The following RABGAP1 variants were observed in gnomAD, a reference collection of about 807,000 sequenced individuals.
RABGAP1 encodes the protein rab GTPase-activating protein 1.
A neutral mutation model predicts 137.6 loss-of-function variants in RABGAP1; 23 were observed. The ratio of observed to expected loss-of-function variants is 0.17; its 90% CI spans 0.12 to 0.24. RABGAP1 has a LOEUF of 0.24. Among genes scored for constraint, RABGAP1 ranks in the 10% least tolerant of loss-of-function variants. The pLI is 1.00. For synonymous variants in RABGAP1, 451 were observed against 450.7 expected (o/e 1.00, Z -0.01); for missense variants, 906 against 1,275.8 (o/e 0.71, Z 4.42).
At chr9:123,029,586 T>G in intron 13 of RABGAP1, 2 of 750,706 alleles carry the variant, frequency 2.7e-6, no homozygotes, top group Non-Finnish European at 5.0e-6. Context: ...TTACAGAGTT[T>G]GTCATATGTA....
At chr9:123,064,574 T>C (rs1245402277) in intron 13 of RABGAP1, among the ~76,000 whole-genome samples, 1 of 152,262 alleles carries the variant, frequency 6.6e-6, no homozygotes, top group African/African-American at 2.4e-5. Context: ...TTGTCTTAGC[T>C]ATGAAGACAC....
chr9:122,999,644 C>A (rs116594588), intron 10 of RABGAP1, among the ~76,000 whole-genome samples: 1 of 151,748 alleles, frequency 6.6e-6, no homozygotes, highest in Non-Finnish European at 1.5e-5. Flanking sequence ...GTTTTCTTTC[C>A]GTTTATCCTG....
intron 1 of RABGAP1, among the ~76,000 whole-genome samples, chr9:122,953,416 T>C (rs894002868): frequency 5.3e-5 from 8 of 152,162 alleles, no homozygotes; most frequent in African/African-American, 1.9e-4. Flanking sequence ...TTTTTTTTTT[T>C]TTTTGAGACA....
In RABGAP1 at chr9:123,101,827, C is replaced by G; in HGVS notation, c.3087+64C>G. 2.1e-6 allele frequency: 3 copies of G among 1,449,122 alleles called. No homozygotes were observed. In the Admixed American group the frequency reaches 7.8e-5, roughly 38 times the overall value. 89.8% of individuals were successfully genotyped at this position (1,449,122 alleles called of 1,614,324 possible). On this transcript the variant is annotated intron_variant, in intron 25 of 25. Transcript: ENST00000373647. ...GGTTTCCTGATGTGCACTAGAGACC[C>G]CAGAAATTATCTTTATGGTTTGGGG...
At chr9:122,974,074 G>A (rs1259401068) in intron 2 of RABGAP1, among the ~76,000 whole-genome samples, 1 of 152,040 alleles carries the variant, frequency 6.6e-6, no homozygotes, top group African/African-American at 2.4e-5. Context: ...CTTTTATTCA[G>A]CAAAGTTACT....
intron 1 of RABGAP1, among the ~76,000 whole-genome samples, chr9:122,949,194 G>A (rs1834093890): frequency 6.6e-6 from 1 of 152,014 alleles, no homozygotes; most frequent in African/African-American, 2.4e-5. Flanking sequence ...TGGTCAACAT[G>A]GTGAAACTTC....
At chr9:122,994,880 G>A (rs1015455938) in intron 6 of RABGAP1, among the ~76,000 whole-genome samples, 1 of 152,152 alleles carries the variant, frequency 6.6e-6, no homozygotes, top group Non-Finnish European at 1.5e-5. Context: ...ACTTGGGGAG[G>A]CTGAGGTGGG....
At chr9:122,988,927 G>A (rs2131770938) in intron 4 of RABGAP1, among the ~76,000 whole-genome samples, 1 of 142,970 alleles carries the variant, frequency 7.0e-6, no homozygotes, top group Admixed American at 7.1e-5. Context: ...TGGGCAACAA[G>A]AGCGAAACTT....
At chr9:122,966,535 A>T (rs866657851) in intron 2 of RABGAP1, among the ~76,000 whole-genome samples, 50 of 152,176 alleles carry the variant, frequency 3.3e-4, no homozygotes, top group Middle Eastern at 3.4e-3. Context: ...AAAAAATAAA[A>T]AAATAAATAA....
At chr9:123,058,973 C>T (rs2033858362) in intron 13 of RABGAP1, among the ~76,000 whole-genome samples, 2 of 152,126 alleles carry the variant, frequency 1.3e-5, no homozygotes, top group South Asian at 2.1e-4. Context: ...GTCCTGGGTG[C>T]CTTTGTCAGC....
chr9:122,973,775 C>T (rs1231215731), intron 2 of RABGAP1, among the ~76,000 whole-genome samples: 1 of 151,560 alleles, frequency 6.6e-6, no homozygotes, highest in Non-Finnish European at 1.5e-5. Context: ...TTTGGGAGGC[C>T]GAGGCGGGCA....
rs1199208045 is a variant in RABGAP1, at chr9:123,057,104, G to T, written c.1795-8244G>T. Among the ~76,000 whole-genome samples the T allele has an allele frequency of 2.7e-5, 4 of 150,694 alleles. No homozygotes were observed. The East Asian group carries it at 6.0e-4, about 23-fold the overall frequency. ...GACGGGGCGGCTGGCCGGGCGGGGG[G>T]CTGACCCCCCCACCTCCCTCCCGGA... On this transcript the variant is annotated intron_variant, in intron 13 of 25. Transcript: ENST00000373647.
chr9:122,965,021 A>G (rs552401186), intron 2 of RABGAP1, among the ~76,000 whole-genome samples: 3 of 152,294 alleles, frequency 2.0e-5, no homozygotes, highest in African/African-American at 7.2e-5. Flanking sequence ...GATTTCAAGA[A>G]AAGTGAAAAA....
At chr9:123,066,680 C>T (rs758396560) in intron 14 of RABGAP1, among the ~76,000 whole-genome samples, 1 of 152,174 alleles carries the variant, frequency 6.6e-6, no homozygotes. Flanking sequence ...ATCCCTTCTA[C>T]CCCCAAAGCT....
At chr9:123,012,353 C>T (rs1048121164) in intron 11 of RABGAP1, among the ~76,000 whole-genome samples, 1 of 152,148 alleles carries the variant, frequency 6.6e-6, no homozygotes, top group African/African-American at 2.4e-5. Flanking sequence ...ACTTTCCTCT[C>T]TTAACACTCA....
chr9:122,980,902 G>C (rs1836015227), intron 2 of RABGAP1, among the ~76,000 whole-genome samples: 1 of 152,146 alleles, frequency 6.6e-6, no homozygotes, highest in Admixed American at 6.5e-5. Context: ...AAGTACCAGA[G>C]ATCATTTTGA....
chr9:123,028,914 A>G (rs2032138639), intron 13 of RABGAP1, among the ~76,000 whole-genome samples: 1 of 152,218 alleles, frequency 6.6e-6, no homozygotes, highest in Non-Finnish European at 1.5e-5. Flanking sequence ...GAAAATTCTT[A>G]GTATAATCCA....
At chr9:122,955,967 T>C (rs887790958) in intron 1 of RABGAP1, among the ~76,000 whole-genome samples, 1 of 152,212 alleles carries the variant, frequency 6.6e-6, no homozygotes, top group East Asian at 1.9e-4. Flanking sequence ...GACAACCAAA[T>C]GAAACATTGC....
At position 123,058,309 on chromosome 9, in the gene RABGAP1, C is replaced by G. The variant is rs140574624; in HGVS notation, c.1795-7039C>G. Among the ~76,000 whole-genome samples, 64 of 151,882 alleles carry G rather than the reference C, an allele frequency of 4.2e-4. No individual in the cohort carries two copies. In the East Asian group the frequency reaches 0.011, roughly 27 times the overall value. On this transcript the variant is annotated intron_variant, in intron 13 of 25. Transcript: ENST00000373647. ...AATGGCCAAATAATATGAAAAGATACAATATTTTGTAGTTAGCAAAAAAAA... is the reference window on the plus strand; with the variant it reads ...AATGGCCAAATAATATGAAAAGATAGAATATTTTGTAGTTAGCAAAAAAAA...
Sources: allele counts gnomAD v4.1 joint callset (sites outside exome capture counted in the v4.1 genomes callset), GRCh38; gene constraint gnomAD v4.1.1; transcripts MANE v1.5; gene names NCBI Gene and HGNC (gene_info 2026-07-23, HGNC 2026-07-21).